The following KIAA1217 variants were observed in gnomAD, a reference collection of about 807,000 sequenced individuals.
The protein encoded by KIAA1217 is sickle tail protein homolog.
In KIAA1217, 88 loss-of-function variants were observed where a neutral mutation model predicts 163.9. The observed-to-expected ratio is 0.54, with a 90% CI of 0.45 to 0.64. The LOEUF is 0.64. Ranked by LOEUF, KIAA1217 falls within the 30% of genes least tolerant of loss-of-function variation. The pLI, the probability that KIAA1217 is intolerant of heterozygous loss-of-function variation, is 0.00. For missense variants in KIAA1217, 2,372 were observed against 2,475.0 expected (o/e 0.96, Z 0.88); for synonymous variants, 903 against 923.1 (o/e 0.98, Z 0.39).
intron 2 of KIAA1217, among the ~76,000 whole-genome samples, chr10:24,341,763 C>T (rs1275580794): frequency 1.3e-5 from 2 of 152,018 alleles, no homozygotes; most frequent in Non-Finnish European, 2.9e-5. Context: ...AACTAATAGC[C>T]TTAGACAAGC....
At chr10:24,146,032 G>A (rs1004354803) in intron 2 of KIAA1217, among the ~76,000 whole-genome samples, 2 of 152,152 alleles carry the variant, frequency 1.3e-5, no homozygotes, top group African/African-American at 4.8e-5. Context: ...CAATCAAGTT[G>A]ACACTCAATA....
chr10:23,716,308 T>C (rs1837566069), intron 1 of KIAA1217, among the ~76,000 whole-genome samples: 1 of 152,186 alleles, frequency 6.6e-6, no homozygotes, highest in South Asian at 2.1e-4. Context: ...ATTTGGATCA[T>C]TGAATTTCCT....
At chr10:24,280,805 G>A (rs1368907116) in intron 2 of KIAA1217, among the ~76,000 whole-genome samples, 7 of 118,760 alleles carry the variant, frequency 5.9e-5, no homozygotes, top group Middle Eastern at 4.6e-3. Context: ...GCGAGACTCC[G>A]TCTCAAAAAA....
Position 23,790,305 on chromosome 10 carries a change from G to A in KIAA1217, c.-321+95071G>A, listed in dbSNP as rs998103301. On this transcript the variant is annotated intron_variant, in intron 1 of 18. Transcript: ENST00000376462. Reference sequence around the variant, plus strand: ...TATGCACATATGCATATGCACATATGCATATATACATATGCACATATGCAT... The same window carrying A: ...TATGCACATATGCATATGCACATATACATATATACATATGCACATATGCAT... Among the ~76,000 whole-genome samples the A allele has an allele frequency of 1.8e-5, 2 of 114,170 alleles. 1 individual carries two copies. Among genetic ancestry groups the A allele is most frequent in the African/African-American group, 8.3e-5 (2 of 24,054 alleles). 74.9% of individuals were successfully genotyped at this position (114,170 alleles called of 152,430 possible).
At chr10:24,496,372 G>A (rs75325030) in intron 8 of KIAA1217, among the ~76,000 whole-genome samples, 4,161 of 152,334 alleles carry the variant, frequency 0.027, 179 homozygotes, top group African/African-American at 0.092. Context: ...GTTTGTTTCG[G>A]AGATACTTAA....
At chr10:23,920,356 T>C (rs994405237) in intron 1 of KIAA1217, among the ~76,000 whole-genome samples, 1 of 152,094 alleles carries the variant, frequency 6.6e-6, no homozygotes, top group African/African-American at 2.4e-5. Flanking sequence ...TGTCCTTTCT[T>C]TTGGTAAGGT....
intron 6 of KIAA1217, among the ~76,000 whole-genome samples, chr10:24,487,258 GCA>G (rs1173366758): frequency 1.3e-5 from 2 of 152,192 alleles, no homozygotes; most frequent in Non-Finnish European, 2.9e-5. Flanking sequence ...ATAGCACTGA[GCA>G]CAGAGGAACC....
chr10:23,766,404 A>G (rs1352529117), intron 1 of KIAA1217, among the ~76,000 whole-genome samples: 3 of 152,212 alleles, frequency 2.0e-5, no homozygotes, highest in East Asian at 1.9e-4. Flanking sequence ...AGCAAAGAAC[A>G]ATAATTTATT....
At chr10:23,872,662 T>C (rs1840510918) in intron 1 of KIAA1217, among the ~76,000 whole-genome samples, 1 of 152,128 alleles carries the variant, frequency 6.6e-6, no homozygotes, top group Admixed American at 6.6e-5. Context: ...AGCACTTTTA[T>C]GAGCTCACCG....
At chr10:23,999,573 G>A (rs756001534) in intron 1 of KIAA1217, among the ~76,000 whole-genome samples, 2 of 152,132 alleles carry the variant, frequency 1.3e-5, no homozygotes, top group Admixed American at 6.5e-5. Context: ...TGGGGAAGGC[G>A]GAGGGAAACG....
Position 24,195,909 on chromosome 10 carries a change from G to A in KIAA1217, c.-170-23717G>A, listed in dbSNP as rs572844247. On this transcript the variant is annotated intron_variant, in intron 2 of 18. Coordinates refer to the KIAA1217 transcript ENST00000376462. The stretch of plus-strand genomic sequence containing the variant: ...TGTGGGAGGCTGAGGCAGGAGGATC[G>A]CTTGAGGCCAGCAGTTTGAGACTAT... 6.6e-5 allele frequency among the ~76,000 whole-genome samples: 10 copies of A among 152,290 alleles called. No homozygotes were observed. In the South Asian group the frequency reaches 1.4e-3, roughly 22 times the overall value.
chr10:24,065,800 G>A (rs201896393), intron 2 of KIAA1217, among the ~76,000 whole-genome samples: 2 of 152,194 alleles, frequency 1.3e-5, no homozygotes, highest in East Asian at 3.9e-4. Context: ...GGTCACTAAG[G>A]ACTTGCTTTA....
intron 1 of KIAA1217, among the ~76,000 whole-genome samples, chr10:23,925,772 C>T (rs1474468175): frequency 6.6e-6 from 1 of 152,122 alleles, no homozygotes; most frequent in Non-Finnish European, 1.5e-5. Context: ...CTTTCCAGCT[C>T]TGTGGCCTTA....
chr10:23,928,267 G>A (rs4474347), intron 1 of KIAA1217, among the ~76,000 whole-genome samples: 67,366 of 152,118 alleles, frequency 0.44, 18,945 homozygotes, highest in African/African-American at 0.8. Context: ...GGGAGGAAAC[G>A]TTGTTTCTAG....
intron 12 of KIAA1217, among the ~76,000 whole-genome samples, chr10:24,523,478 G>A (rs2071614110): frequency 6.6e-6 from 1 of 152,110 alleles, no homozygotes; most frequent in African/African-American, 2.4e-5. Flanking sequence ...AGAATGCAAT[G>A]TCTTTTTTCA....
chr10:23,882,962 A>T (rs1005782674), intron 1 of KIAA1217, among the ~76,000 whole-genome samples: 8 of 151,952 alleles, frequency 5.3e-5, no homozygotes. Context: ...GGGAGAGTTT[A>T]CATCTTTAGG....
rs113716082 is a variant in KIAA1217, at chr10:24,444,144, G to A, written c.846+5665G>A. On this transcript the variant is annotated intron_variant, in intron 5 of 20. Transcript: ENST00000376454. ...TCCTCCCTTAGCCTCTTGAGTAGCC[G>A]GGACTACAGGTGCACACCACCACTC... Among the ~76,000 whole-genome samples, 8 of 151,968 alleles carry A rather than the reference G, an allele frequency of 5.3e-5. 1 individual carries two copies. The highest frequency in any genetic ancestry group is 1.7e-4 in the African/African-American group (7 of 41,366).
At chr10:24,393,490 G>A (rs141708681) in intron 3 of KIAA1217, among the ~76,000 whole-genome samples, 8 of 152,260 alleles carry the variant, frequency 5.3e-5, no homozygotes, top group African/African-American at 1.2e-4. Flanking sequence ...CCACCATGAC[G>A]CTCTTCGGTT....
At chr10:24,475,693 G>A (rs150895427) in intron 6 of KIAA1217, among the ~76,000 whole-genome samples, 21 of 152,170 alleles carry the variant, frequency 1.4e-4, no homozygotes, top group African/African-American at 4.6e-4. Flanking sequence ...CAAAGAAAGG[G>A]ACTCTTCCCG....
Sources: gnomAD v4.1 joint callset for allele counts (sites outside exome capture counted in the v4.1 genomes callset) on GRCh38, gnomAD v4.1.1 for gene constraint, MANE v1.5 for transcripts, NCBI Gene and HGNC (gene_info 2026-07-23, HGNC 2026-07-21) for gene names.